The following LHFPL2 variants were observed in gnomAD, a reference collection of about 807,000 sequenced individuals.
LHFPL2 encodes the protein LHFPL tetraspan subfamily member 2, also known as LHFPL tetraspan subfamily member 2 protein.
In LHFPL2, 7 loss-of-function variants were observed where a neutral mutation model predicts 17.5. The observed-to-expected ratio is 0.40, with a 90% CI of 0.23 to 0.75. The LOEUF (loss-of-function observed/expected upper bound fraction) is 0.75. Among genes scored for constraint, LHFPL2 ranks in the 30% least tolerant of loss-of-function variants. The pLI is 0.37. For synonymous variants in LHFPL2, 134 were observed against 116.2 expected (o/e 1.15, Z -0.99); for missense variants, 241 against 294.8 (o/e 0.82, Z 1.34).
intron 3 of LHFPL2, among the ~76,000 whole-genome samples, chr5:78,519,076 C>T (rs992633109): frequency 6.6e-6 from 1 of 152,098 alleles, no homozygotes; most frequent in Admixed American, 6.5e-5. Flanking sequence ...GTGCTATGGA[C>T]TCCCAGGAGC....
At chr5:78,551,754 G>A (rs894978665) in intron 3 of LHFPL2, among the ~76,000 whole-genome samples, 2 of 152,154 alleles carry the variant, frequency 1.3e-5, no homozygotes, top group Non-Finnish European at 2.9e-5. Flanking sequence ...TTTCCCAAAA[G>A]CCAGCCATGA....
At chr5:78,587,248 A>T (rs531153406) in intron 2 of LHFPL2, among the ~76,000 whole-genome samples, 1 of 150,660 alleles carries the variant, frequency 6.6e-6, no homozygotes, top group Non-Finnish European at 1.5e-5. Flanking sequence ...CACATTTTCC[A>T]GTCTGCTGGC....
At chr5:78,550,776 G>A (rs1756417608) in intron 3 of LHFPL2, among the ~76,000 whole-genome samples, 2 of 152,114 alleles carry the variant, frequency 1.3e-5, no homozygotes, top group South Asian at 4.1e-4. Flanking sequence ...TTGCCATGTT[G>A]GCCAGGCTGG....
At chr5:78,586,885 A>G (rs1743428893) in intron 2 of LHFPL2, among the ~76,000 whole-genome samples, 1 of 152,190 alleles carries the variant, frequency 6.6e-6, no homozygotes, top group African/African-American at 2.4e-5. Context: ...TTTTATATAT[A>G]CCAACACTTG....
chr5:78,595,185 C>T (rs1427523531), intron 2 of LHFPL2, among the ~76,000 whole-genome samples: 2 of 152,224 alleles, frequency 1.3e-5, no homozygotes, highest in Admixed American at 6.5e-5. Context: ...GCAGACATCC[C>T]GCCTCCAGTC....
intron 2 of LHFPL2, among the ~76,000 whole-genome samples, chr5:78,580,974 C>T (rs34126627): frequency 0.37 from 55,915 of 152,042 alleles, 11,189 homozygotes; most frequent in Middle Eastern, 0.47. Context: ...TCTTCCTACC[C>T]GTGAGCATAG....
chr5:78,495,712 G>C (rs1754584145), intron 4 of LHFPL2, among the ~76,000 whole-genome samples: 1 of 152,176 alleles, frequency 6.6e-6, no homozygotes, highest in Admixed American at 6.5e-5. Flanking sequence ...TCTCTGGAGA[G>C]AGTTCACAGC....
chr5:78,585,934 C>A (rs1281596248), intron 2 of LHFPL2, among the ~76,000 whole-genome samples: 1 of 152,162 alleles, frequency 6.6e-6, no homozygotes, highest in African/African-American at 2.4e-5. Context: ...GTACTACCTC[C>A]CAGTGGCCTA....
intron 3 of LHFPL2, among the ~76,000 whole-genome samples, chr5:78,512,417 A>T (rs116527875): frequency 0.012 from 1,759 of 150,452 alleles, 14 homozygotes; most frequent in Middle Eastern, 0.021. Flanking sequence ...ATAAATTAGC[A>T]TTCAGCCAGA....
chr5:78,528,697 C>T (rs960278573), intron 3 of LHFPL2, among the ~76,000 whole-genome samples: 1 of 152,158 alleles, frequency 6.6e-6, no homozygotes. Context: ...TGTATGTGTA[C>T]CCACTAAATG....
intron 4 of LHFPL2, among the ~76,000 whole-genome samples, chr5:78,505,275 T>A (rs1330331444): frequency 6.6e-6 from 1 of 152,136 alleles, no homozygotes; most frequent in African/African-American, 2.4e-5. Context: ...TTGTAATGAA[T>A]CCCAGAGGGA....
chr5:78,542,243 C>A (rs923528118), intron 3 of LHFPL2, among the ~76,000 whole-genome samples: 5 of 152,098 alleles, frequency 3.3e-5, no homozygotes, highest in Non-Finnish European at 7.4e-5. Flanking sequence ...GCTGGCTTTC[C>A]CCAGTGGGGT....
chr5:78,524,742 CAAAAAA>C (rs34179854), intron 3 of LHFPL2, among the ~76,000 whole-genome samples: 1 of 117,782 alleles, frequency 8.5e-6, no homozygotes, highest in Non-Finnish European at 1.7e-5. Context: ...ACCCTGTTCT[CAAAAAA>C]AAAAAAAAAA....
At chr5:78,565,829 A>G (rs1468077028) in intron 2 of LHFPL2, among the ~76,000 whole-genome samples, 1 of 152,224 alleles carries the variant, frequency 6.6e-6, no homozygotes, top group Non-Finnish European at 1.5e-5. Flanking sequence ...TACAAAGCCT[A>G]TTCATCACCT....
intron 4 of LHFPL2, among the ~76,000 whole-genome samples, chr5:78,492,569 A>G (rs1435576648): frequency 4.6e-5 from 7 of 152,184 alleles, no homozygotes; most frequent in Admixed American, 4.6e-4. Context: ...AATTGCCCTG[A>G]GGCGCTCCCT....
At chr5:78,642,171 T>C (rs191771995) in intron 1 of LHFPL2, 1 of 152,210 alleles carries the variant, frequency 6.6e-6, no homozygotes, top group East Asian at 1.9e-4. Context: ...ATGACACTGA[T>C]CTTATTATGG....
At chr5:78,614,698 G>GA (rs982187629) in intron 2 of LHFPL2, among the ~76,000 whole-genome samples, 18 of 151,794 alleles carry the variant, frequency 1.2e-4, no homozygotes, top group African/African-American at 4.3e-4. Flanking sequence ...TTTAGAAAAA[G>GA]AAAAAAGGAC....
At chr5:78,579,436 C>T (rs1438547386) in intron 2 of LHFPL2, among the ~76,000 whole-genome samples, 1 of 152,118 alleles carries the variant, frequency 6.6e-6, no homozygotes, top group African/African-American at 2.4e-5. Flanking sequence ...TGGTGCGCTG[C>T]ACCCACTAAC....
intron 2 of LHFPL2, among the ~76,000 whole-genome samples, chr5:78,570,663 T>C (rs1756977037): frequency 1.3e-5 from 2 of 148,600 alleles, no homozygotes; most frequent in South Asian, 2.1e-4. Context: ...TATATATATA[T>C]ACGTATGATC....
Sources: gnomAD v4.1 joint callset for allele counts (sites outside exome capture counted in the v4.1 genomes callset) on GRCh38, gnomAD v4.1.1 for gene constraint, MANE v1.5 for transcripts, NCBI Gene and HGNC (gene_info 2026-07-23, HGNC 2026-07-21) for gene names.